R3HDM1: variants seen among roughly 807,000 people sequenced by gnomAD.
R3HDM1 encodes R3H domain containing 1, also known as R3H domain-containing protein 1.
A neutral mutation model predicts 141.1 loss-of-function variants in R3HDM1; 46 were observed. That is an observed-to-expected ratio of 0.33 (90% CI 0.26 to 0.42). The LOEUF is 0.42. Among genes scored for constraint, R3HDM1 ranks in the 10% least tolerant of loss-of-function variants. R3HDM1 has a pLI of 1.00. For synonymous variants in R3HDM1, 435 were observed against 472.9 expected, an observed-to-expected ratio of 0.92 and a Z score of 1.04; for missense variants, 1,184 against 1,368.3, an observed-to-expected ratio of 0.87 and a Z score of 2.12.
At chr2:135,677,110 G>A (rs1189356958) in intron 20 of R3HDM1, among the ~76,000 whole-genome samples, 2 of 152,148 alleles carry the variant, frequency 1.3e-5, no homozygotes, top group East Asian at 3.8e-4. Flanking sequence ...TGAGAATGAA[G>A]AAGGATATAA....
At chr2:135,541,968 C>T (rs983182767) in intron 1 of R3HDM1, among the ~76,000 whole-genome samples, 1 of 151,236 alleles carries the variant, frequency 6.6e-6, no homozygotes, top group Non-Finnish European at 1.5e-5. Context: ...TGGATTTTTT[C>T]AGATTTTGGA....
intron 19 of R3HDM1, among the ~76,000 whole-genome samples, chr2:135,674,598 A>G (rs1372042806): frequency 6.6e-6 from 1 of 152,232 alleles, no homozygotes; most frequent in African/African-American, 2.4e-5. Flanking sequence ...TTAAGTAAAT[A>G]AGTTTACTTG....
chr2:135,716,099 GAAGGATCACTTGAGGCCACTC>G (rs1183245992), intron 24 of R3HDM1, among the ~76,000 whole-genome samples: 16 of 152,324 alleles, frequency 1.1e-4, no homozygotes, highest in South Asian at 8.3e-4. Context: ...GGCCAATGCG[GAAGGATCACTTGAGGCCACTC>G]AAGACCCTGT....
chr2:135,675,083 T>C (rs1168545774), intron 19 of R3HDM1, among the ~76,000 whole-genome samples: 2 of 152,172 alleles, frequency 1.3e-5, no homozygotes, highest in Admixed American at 1.3e-4. Context: ...GTTATCTAAG[T>C]GTGTGACCCT....
At chr2:135,561,909 G>A (rs561290640) in intron 1 of R3HDM1, among the ~76,000 whole-genome samples, 5 of 152,088 alleles carry the variant, frequency 3.3e-5, no homozygotes, top group African/African-American at 4.8e-5. Flanking sequence ...TAGGCTTGGC[G>A]TTTTGTTTAT....
In R3HDM1 at chr2:135,648,305, AC is replaced by A. The variant is rs1257388843; in HGVS notation, c.1624-1595del. ...TTATCTAAGCTTTTGTTTTTTAGAA[AC>A]CGTTGTGTTGATTTTGTGGTAAAAG... On this transcript the variant is annotated intron_variant, in intron 16 of 26. Coordinates refer to ENST00000683871, the MANE Select transcript of R3HDM1 (RefSeq NM_001378107.1). 3.9e-5 allele frequency among the ~76,000 whole-genome samples: 6 copies of A among 151,994 alleles called. No homozygotes were observed. The East Asian group carries it at 1.2e-3, about 29-fold the overall frequency.
At position 135,724,721 on chromosome 2, in the gene R3HDM1, G is replaced by A. The variant is rs1575299253; in HGVS notation, c.*429G>A. ...TTTGGGGGAAAAAGAATGCAGGAGTGAAATAACCAAGTCAAAACCATGTAC... is the reference window on the plus strand; with the variant it reads ...TTTGGGGGAAAAAGAATGCAGGAGTAAAATAACCAAGTCAAAACCATGTAC... On this transcript the variant is annotated 3_prime_UTR_variant, in exon 27 of 27. Coordinates refer to ENST00000683871, the MANE Select transcript of R3HDM1 (RefSeq NM_001378107.1). 6.4e-6 allele frequency: 1 copy of A among 155,980 alleles called. No homozygotes were observed. The highest frequency in any genetic ancestry group is 2.4e-5 in the African/African-American group (1 of 41,646). 9.7% of individuals were successfully genotyped at this position (155,980 alleles called of 1,614,324 possible). A position where few individuals can be genotyped will look rare whatever the true frequency, so the allele number is the denominator to read the frequency against.
At chr2:135,568,575 C>G (rs1703329983) in intron 1 of R3HDM1, among the ~76,000 whole-genome samples, 1 of 150,508 alleles carries the variant, frequency 6.6e-6, no homozygotes, top group Non-Finnish European at 1.5e-5. Context: ...GTCTCGAACT[C>G]CTGACCTCAG....
chr2:135,631,392 G>A (rs755971654), intron 7 of R3HDM1, among the ~76,000 whole-genome samples: 9 of 149,816 alleles, frequency 6.0e-5, no homozygotes, highest in Non-Finnish European at 8.9e-5. Context: ...AAGTTCCTTC[G>A]TTGTGTGTAA....
intron 7 of R3HDM1, 138 bp from the exon 8 acceptor site, chr2:135,631,575 ATATTC>A (rs1394247346): frequency 1.5e-5 from 8 of 551,634 alleles, no homozygotes; most frequent in Admixed American, 8.1e-5. Context: ...ACATTAATAA[ATATTC>A]TAGCATCAAG....
At chr2:135,701,501 T>C (rs370922630) in intron 21 of R3HDM1, among the ~76,000 whole-genome samples, 2 of 152,070 alleles carry the variant, frequency 1.3e-5, no homozygotes, top group South Asian at 2.1e-4. Flanking sequence ...TGAGATGAAG[T>C]GAGGTGAGGT....
At chr2:135,705,179 C>T (rs73958613) in intron 21 of R3HDM1, among the ~76,000 whole-genome samples, 2,509 of 152,278 alleles carry the variant, frequency 0.016, 75 homozygotes, top group African/African-American at 0.057. Flanking sequence ...TTATGTTTGG[C>T]TGTTTACACT....
At chr2:135,592,974 C>A in intron 1 of R3HDM1, among the ~76,000 whole-genome samples, 1 of 151,862 alleles carries the variant, frequency 6.6e-6, no homozygotes, top group Non-Finnish European at 1.5e-5. Flanking sequence ...GGCTGGGGTG[C>A]AGTGGTGCCA....
In R3HDM1 at chr2:135,630,283, A is replaced by C. The variant is rs1176951721; in HGVS notation, c.498-1435A>C. ...CAAGAGCGAAACTCCTTCTCAACCA[A>C]AAAAAAAAAAAAAAAAAAAAAAAAA... On this transcript the variant is annotated intron_variant, in intron 7 of 26. Coordinates refer to ENST00000683871, the MANE Select transcript of R3HDM1 (RefSeq NM_001378107.1). Among the ~76,000 whole-genome samples the C allele has an allele frequency of 5.9e-5, 4 of 68,018 alleles. No homozygotes were observed. In the Admixed American group the frequency reaches 6.6e-4, roughly 11 times the overall value. 44.6% of individuals were successfully genotyped at this position (68,018 alleles called of 152,430 possible).
chr2:135,580,514 T>TTAA (rs1252036649), intron 1 of R3HDM1, among the ~76,000 whole-genome samples: 1 of 152,208 alleles, frequency 6.6e-6, no homozygotes, highest in Non-Finnish European at 1.5e-5. Context: ...ATTTCTTTGC[T>TTAA]TGTTCTCTTA....
chr2:135,652,974 C>G (rs1007213005), intron 18 of R3HDM1, among the ~76,000 whole-genome samples: 1 of 150,068 alleles, frequency 6.7e-6, no homozygotes, highest in East Asian at 1.9e-4. Context: ...CTTTTTATTT[C>G]TTGGTATTGG....
intron 1 of R3HDM1, among the ~76,000 whole-genome samples, chr2:135,535,130 A>G (rs1439453161): frequency 6.6e-6 from 1 of 152,196 alleles, no homozygotes; most frequent in Non-Finnish European, 1.5e-5. Flanking sequence ...GCAGCACCAA[A>G]CCACAGAATC....
intron 5 of R3HDM1, 98 bp downstream of exon 5, chr2:135,616,855 C>G (rs748100284): frequency 1.0e-5 from 11 of 1,070,370 alleles, no homozygotes; most frequent in African/African-American, 1.6e-5. Context: ...TTTATTTTGA[C>G]TAAATGAAAC....
In R3HDM1 at chr2:135,622,740, T is replaced by C. The variant is rs1224276398; in HGVS notation, c.497+8T>C. ...ATTAAAAAACAATCCCAGGTAAAAATTAAATTTATAAGGTTTCCATTGCTT... is the reference window on the plus strand; with the variant it reads ...ATTAAAAAACAATCCCAGGTAAAAACTAAATTTATAAGGTTTCCATTGCTT... On this transcript the variant is annotated splice_region_variant and intron_variant, in intron 7 of 26. Coordinates refer to ENST00000683871, the MANE Select transcript of R3HDM1 (RefSeq NM_001378107.1). 1.9e-6 allele frequency: 3 copies of C among 1,564,930 alleles called. No individual in the cohort carries two copies. Among genetic ancestry groups the C allele is most frequent in the African/African-American group, 2.7e-5 (2 of 73,622 alleles).
Sources: allele counts gnomAD v4.1 joint callset (sites outside exome capture counted in the v4.1 genomes callset), GRCh38; gene constraint gnomAD v4.1.1; transcripts MANE v1.5; gene names NCBI Gene and HGNC (gene_info 2026-07-23, HGNC 2026-07-21).